Variants in CTIF observed in about 807,000 individuals in gnomAD.
The protein encoded by CTIF is cap binding complex dependent translation initiation factor.
CTIF carries 21 observed loss-of-function variants against 66.0 expected under a neutral mutation model. The observed-to-expected ratio is 0.32, with a 90% CI of 0.23 to 0.46. The LOEUF (loss-of-function observed/expected upper bound fraction) is 0.46, where lower values mean the gene tolerates loss of function less well. CTIF is among the 20% of genes least tolerant of loss of function. The pLI is 1.00. For synonymous variants in CTIF, 345 were observed against 326.4 expected, an observed-to-expected ratio of 1.06 and a Z score of -0.62; for missense variants, 739 against 812.7, an observed-to-expected ratio of 0.91 and a Z score of 1.10.
At chr18:48,797,354 G>C (rs143441094) in intron 9 of CTIF, among the ~76,000 whole-genome samples, 1 of 152,022 alleles carries the variant, frequency 6.6e-6, no homozygotes, top group South Asian at 2.1e-4. Flanking sequence ...GTGGTGGTGC[G>C]TGCCTGTAAT....
chr18:48,761,384 C>A lies in CTIF; in HGVS notation c.1072-6C>A, dbSNP rs774507022. 11 of 1,611,470 alleles carry A rather than the reference C, an allele frequency of 6.8e-6. No individual in the cohort carries two copies. The highest frequency in any genetic ancestry group is 6.8e-6 in the Non-Finnish European group (8 of 1,178,438). On this transcript the variant is annotated splice_region_variant and splice_polypyrimidine_tract_variant and intron_variant, in intron 8 of 11. Transcript: ENST00000256413. The surrounding 1 kb of genome is among the most constrained non-coding windows in gnomAD (Gnocchi z 4.2). ...AGGCACATTCATTTGTCTCCGACAC[C>A]CCCAGGATGAAGTGGCCGTGGAGAC...
At chr18:48,616,175 G>A (rs920763048) in intron 1 of CTIF, among the ~76,000 whole-genome samples, 2 of 152,224 alleles carry the variant, frequency 1.3e-5, no homozygotes, top group African/African-American at 4.8e-5. Flanking sequence ...GCACCTGTTA[G>A]GTGTGCCAGG....
intron 10 of CTIF, chr18:48,834,881 G>C (rs781374125): frequency 6.5e-6 from 1 of 152,700 alleles, no homozygotes; most frequent in Non-Finnish European, 1.5e-5. Context: ...GTCATTTCCC[G>C]TGAGTGGAGC....
chr18:48,748,003 T>C (rs1044303828), intron 7 of CTIF, among the ~76,000 whole-genome samples: 14 of 152,006 alleles, frequency 9.2e-5, no homozygotes, highest in African/African-American at 3.1e-4. Flanking sequence ...GTCACCCCCA[T>C]TGACGGCCAA....
intron 9 of CTIF, among the ~76,000 whole-genome samples, chr18:48,793,540 A>G (rs547432678): frequency 6.6e-6 from 1 of 152,278 alleles, no homozygotes; most frequent in Admixed American, 6.5e-5. Flanking sequence ...TTCTGACAAA[A>G]TGTTTCCTCC....
At chr18:48,644,503 G>C (rs951196424) in intron 3 of CTIF, among the ~76,000 whole-genome samples, 1 of 152,204 alleles carries the variant, frequency 6.6e-6, no homozygotes, top group Non-Finnish European at 1.5e-5. Context: ...GTGTATGTCT[G>C]TCTTTCAGAA....
At chr18:48,664,909 CT>C (rs368586647) in intron 5 of CTIF, among the ~76,000 whole-genome samples, 64 of 62,138 alleles carry the variant, frequency 1.0e-3, no homozygotes, top group African/African-American at 2.5e-3. Flanking sequence ...GTGTTTCTTT[CT>C]TTTTTTTTTT....
intron 10 of CTIF, among the ~76,000 whole-genome samples, chr18:48,825,270 C>T (rs1349708308): frequency 1.3e-5 from 2 of 152,032 alleles, no homozygotes; most frequent in Non-Finnish European, 2.9e-5. Context: ...CCCTCCCTGC[C>T]CTTTCCAAGG....
At chr18:48,713,926 C>T (rs1282054601) in intron 7 of CTIF, among the ~76,000 whole-genome samples, 1 of 152,244 alleles carries the variant, frequency 6.6e-6, no homozygotes, top group Non-Finnish European at 1.5e-5. Flanking sequence ...GGGCGCCCCG[C>T]TCTAATTCCT....
intron 7 of CTIF, among the ~76,000 whole-genome samples, chr18:48,719,360 G>T (rs1211988004): frequency 6.6e-6 from 1 of 152,044 alleles, no homozygotes; most frequent in Non-Finnish European, 1.5e-5. Flanking sequence ...ACCAGTCATA[G>T]AGTCCCACAT....
At chr18:48,721,533 T>TGGGCAGCCCAGGCCCC (rs2092335945) in intron 7 of CTIF, among the ~76,000 whole-genome samples, 1 of 152,172 alleles carries the variant, frequency 6.6e-6, no homozygotes, top group African/African-American at 2.4e-5. Context: ...GTGTGTCTGG[T>TGGGCAGCCCAGGCCCC]GGGCAGCCCA....
At position 48,860,538 on chromosome 18, in the gene CTIF, G is replaced by A. The variant is rs1161323376; in HGVS notation, c.*979G>A. The stretch of plus-strand genomic sequence containing the variant: ...TCAAAGGGCTGATACTGTCACCACT[G>A]GGACCAAGTTAAACCTGGTCCTGGC... On this transcript the variant is annotated 3_prime_UTR_variant, in exon 12 of 12. Transcript: ENST00000256413. 6.5e-6 allele frequency: 1 copy of A among 153,948 alleles called. No homozygotes were observed. Among genetic ancestry groups the A allele is most frequent in the African/African-American group, 2.4e-5 (1 of 41,484 alleles). The allele number at this position is 153,948 out of a possible 1,614,324, so 9.5% of individuals were successfully genotyped here.
rs1908533612 is a variant in CTIF, at chr18:48,757,768, ACT to A, written c.585-148_585-147del. On this transcript the variant is annotated intron_variant, in intron 7 of 11. Transcript: ENST00000256413. ...GCTGTATCCCCAGGGGCTGTCACAG[ACT>A]CTGGCACGTAGAAGGTGCTCAGGAA... The A allele has an allele frequency of 5.6e-6, 6 of 1,076,996 alleles. No homozygotes were observed. In the East Asian group the frequency reaches 1.4e-4, roughly 26 times the overall value. 66.7% of individuals were successfully genotyped at this position (1,076,996 alleles called of 1,614,324 possible).
intron 10 of CTIF, among the ~76,000 whole-genome samples, chr18:48,856,698 C>G (rs2069335138): frequency 6.6e-6 from 1 of 152,194 alleles, no homozygotes; most frequent in African/African-American, 2.4e-5. Context: ...AAATGTCCAG[C>G]ACGGGCAACT....
intron 9 of CTIF, among the ~76,000 whole-genome samples, chr18:48,780,876 T>C (rs1375413604): frequency 6.6e-6 from 1 of 152,172 alleles, no homozygotes; most frequent in African/African-American, 2.4e-5. Flanking sequence ...GGGGGCGTGC[T>C]GATAGCCTCA....
At chr18:48,663,961 G>C (rs2091390849) in intron 4 of CTIF, 136 bp downstream of exon 4, 1 of 839,190 alleles carries the variant, frequency 1.2e-6, no homozygotes, top group African/African-American at 1.7e-5. Flanking sequence ...GGAAGGATGG[G>C]GTGGAAAGAA....
At chr18:48,777,073 G>A (rs1293406885) in intron 9 of CTIF, among the ~76,000 whole-genome samples, 3 of 152,234 alleles carry the variant, frequency 2.0e-5, no homozygotes, top group Non-Finnish European at 4.4e-5. Flanking sequence ...TAAAATGCCT[G>A]TTGCTGACTG....
chr18:48,785,310 A>G (rs1911608943), intron 9 of CTIF, among the ~76,000 whole-genome samples: 1 of 152,244 alleles, frequency 6.6e-6, no homozygotes, highest in Non-Finnish European at 1.5e-5. Flanking sequence ...AAGTGGCTAC[A>G]AAATTAGAAA....
chr18:48,708,794 G>A (rs1195186610), intron 6 of CTIF, among the ~76,000 whole-genome samples: 1 of 152,190 alleles, frequency 6.6e-6, no homozygotes, highest in African/African-American at 2.4e-5. Flanking sequence ...GGACCACCAG[G>A]CACTGTGCAG....
Sources: allele counts gnomAD v4.1 joint callset (sites outside exome capture counted in the v4.1 genomes callset), GRCh38; gene constraint gnomAD v4.1.1; non-coding constraint Gnocchi (gnomAD v3.1); transcripts MANE v1.5; gene names NCBI Gene and HGNC (gene_info 2026-07-23, HGNC 2026-07-21).